Variants in GATM observed in about 807,000 individuals in gnomAD.
The protein encoded by GATM is glycine amidinotransferase, also known as glycine amidinotransferase, mitochondrial.
In GATM, 23 loss-of-function variants were observed where a neutral mutation model predicts 54.2. The observed-to-expected ratio is 0.42, with a 90% CI of 0.31 to 0.60. The LOEUF is 0.60. Among genes scored for constraint, GATM ranks in the 20% least tolerant of loss-of-function variants. The pLI, the probability that GATM is intolerant of heterozygous loss-of-function variation, is 0.14. For synonymous variants in GATM, 168 were observed against 183.1 expected (o/e 0.92, Z 0.67); for missense variants, 401 against 544.9 (o/e 0.74, Z 2.63).
At chr15:45,394,541 G>A (rs752253795) in intron 3 of GATM, among the ~76,000 whole-genome samples, 22 of 152,222 alleles carry the variant, frequency 1.4e-4, no homozygotes, top group African/African-American at 5.1e-4. Flanking sequence ...TGGGCGTAGT[G>A]TGTTTGCCAA....
upstream of GATM, among the ~76,000 whole-genome samples, chr15:45,383,505 T>C (rs1479305233): frequency 6.6e-6 from 1 of 152,218 alleles, no homozygotes; most frequent in South Asian, 2.1e-4. Flanking sequence ...TCAAATACCC[T>C]TCTGGAATTT....
intron 1 of GATM, chr15:45,378,031 C>T (rs1256232161): frequency 8.1e-6 from 2 of 247,616 alleles, no homozygotes; most frequent in Non-Finnish European, 1.6e-5. Context: ...CGTCCCAACC[C>T]CTTGCTCCGA....
chr15:45,392,378 C>T (rs560912718), intron 3 of GATM, among the ~76,000 whole-genome samples: 45 of 152,284 alleles, frequency 3.0e-4, no homozygotes, highest in African/African-American at 8.9e-4. Context: ...CGTGCGTGTG[C>T]GTGCATGTGT....
Position 45,368,121 on chromosome 15 carries a change from G to C in GATM, c.624C>G (p.Ala208=), listed in dbSNP as rs149853417. The change falls in exon 4 of 9, where the codon GCC becomes GCG. Residue 208 remains alanine (A), a synonymous_variant. Coordinates refer to ENST00000396659, the MANE Select transcript of GATM (RefSeq NM_001482.3). This position sits in a 1 kb window ranked among gnomAD's most constrained non-coding sequence, Gnocchi z 5.1. ...TGGGCTTAGGAGCTGTTGTCCACTT[G>C]GCGCCACGGTGGAAGTAGTCTTTGA... ...SIIKDYFHRG[A]KWTTAPKPTM... The C allele has an allele frequency of 4.3e-6, 7 of 1,613,904 alleles. No individual in the cohort carries two copies. In the African/African-American group the frequency reaches 9.4e-5, roughly 22 times the overall value.
chr15:45,364,615 A>C (rs1889418723), intron 7 of GATM, 182 bp downstream of exon 7: 1 of 603,068 alleles, frequency 1.7e-6, no homozygotes, highest in East Asian at 2.9e-5. Context: ...TCTATGGATG[A>C]AAAAGTTGCA....
intron 1 of GATM, 51 bp downstream of exon 1, chr15:45,378,334 C>G: frequency 4.2e-6 from 6 of 1,422,378 alleles, no homozygotes; most frequent in Non-Finnish European, 4.7e-6. Context: ...ACGCCGCCCG[C>G]AGGATCGAGT....
rs1052293472 is a variant in GATM, at chr15:45,361,751, G to C, written c.*358C>G. Reference sequence around the variant, plus strand: ...TCTATAGAAGAGGAAAAAAAATTAAGATTAGGACCAACATTTCAAGCTGCC... The same window carrying C: ...TCTATAGAAGAGGAAAAAAAATTAACATTAGGACCAACATTTCAAGCTGCC... On this transcript the variant is annotated 3_prime_UTR_variant, in exon 9 of 9. Transcript: ENST00000396659. 2 of 492,520 alleles carry C rather than the reference G, an allele frequency of 4.1e-6. No individual in the cohort carries two copies. The highest frequency in any genetic ancestry group is 3.9e-5 in the African/African-American group (2 of 51,042). 30.5% of individuals were successfully genotyped at this position (492,520 alleles called of 1,614,324 possible).
chr15:45,376,495 C>T, intron 2 of GATM, 106 bp downstream of exon 2: 2 of 907,780 alleles, frequency 2.2e-6, no homozygotes, highest in East Asian at 2.4e-5. Flanking sequence ...AACTTAATCA[C>T]TGGATTGAGA....
chr15:45,392,148 C>T (rs1400283379), intron 3 of GATM, among the ~76,000 whole-genome samples: 3 of 152,122 alleles, frequency 2.0e-5, no homozygotes, highest in African/African-American at 7.2e-5. Flanking sequence ...TTAAAATAAC[C>T]ACTCACATGT....
chr15:45,369,718 A>G, intron 2 of GATM, 197 bp from the exon 3 acceptor site: 1 of 597,892 alleles, frequency 1.7e-6, no homozygotes, highest in East Asian at 2.9e-5. Flanking sequence ...GAAGAACTCT[A>G]AAACATCTTG....
intron 1 of GATM, among the ~76,000 whole-genome samples, chr15:45,400,366 T>C: frequency 6.6e-6 from 1 of 152,254 alleles, no homozygotes; most frequent in East Asian, 1.9e-4. Context: ...TGGATTTTAC[T>C]GGATGATTGG....
At chr15:45,389,434 G>C (rs1049728851) in intron 3 of GATM, among the ~76,000 whole-genome samples, 1 of 152,112 alleles carries the variant, frequency 6.6e-6, no homozygotes, top group African/African-American at 2.4e-5. Context: ...TCTTGTTTTT[G>C]CAGGGTTTTT....
At chr15:45,375,475 A>G (rs567536231) in intron 2 of GATM, among the ~76,000 whole-genome samples, 15 of 152,336 alleles carry the variant, frequency 9.8e-5, no homozygotes, top group Admixed American at 2.6e-4. Flanking sequence ...TTTAAACTAC[A>G]GACTAAAGGG....
intron 1 of GATM, chr15:45,377,064 C>A (rs1889651282): frequency 7.6e-6 from 4 of 525,848 alleles, no homozygotes; most frequent in South Asian, 7.5e-5. Flanking sequence ...TAAAACTCCT[C>A]AGAAGACCGT....
chr15:45,380,320 A>G (rs1889723954), upstream of GATM, among the ~76,000 whole-genome samples: 1 of 151,730 alleles, frequency 6.6e-6, no homozygotes, highest in East Asian at 1.9e-4. Flanking sequence ...CCCAAATGCC[A>G]TAATATGGTG....
upstream of GATM, among the ~76,000 whole-genome samples, chr15:45,382,351 T>TTAA (rs1889751501): frequency 2.0e-5 from 3 of 152,158 alleles, no homozygotes; most frequent in African/African-American, 7.2e-5. Flanking sequence ...AAGATGAAGA[T>TTAA]CTCATTGTAA....
chr15:45,382,868 C>T (rs1002926551), upstream of GATM, among the ~76,000 whole-genome samples: 9 of 152,146 alleles, frequency 5.9e-5, no homozygotes, highest in African/African-American at 2.2e-4. Flanking sequence ...TAGCTCAGTT[C>T]TTGCTTCCTA....
intron 3 of GATM, among the ~76,000 whole-genome samples, chr15:45,384,531 C>A (rs575882156): frequency 4.6e-5 from 7 of 152,242 alleles, no homozygotes; most frequent in African/African-American, 1.4e-4. Context: ...AAAGAAGGGA[C>A]AGCAGGAAGG....
At chr15:45,394,678 T>C (rs1889908027) in intron 3 of GATM, among the ~76,000 whole-genome samples, 2 of 152,226 alleles carry the variant, frequency 1.3e-5, no homozygotes, top group South Asian at 2.1e-4. Context: ...TTCTGAAAAA[T>C]GCCTAGGCAT....
Sources: allele counts gnomAD v4.1 joint callset (sites outside exome capture counted in the v4.1 genomes callset), GRCh38; gene constraint gnomAD v4.1.1; non-coding constraint Gnocchi (gnomAD v3.1); transcripts MANE v1.5; gene names NCBI Gene and HGNC (gene_info 2026-07-23, HGNC 2026-07-21).